RCSD1: variants seen among roughly 807,000 people sequenced by gnomAD.
RCSD1 encodes the protein RCSD domain containing 1.
In RCSD1, 26 loss-of-function variants were observed where a neutral mutation model predicts 42.5. The observed-to-expected ratio is 0.61, with a 90% CI of 0.45 to 0.85. The LOEUF is 0.85. Among genes scored for constraint, RCSD1 ranks in the 40% least tolerant of loss-of-function variants. RCSD1 has a pLI of 0.00. For missense variants in RCSD1, 571 were observed against 528.3 expected (o/e 1.08, Z -0.79); for synonymous variants, 220 against 212.2 (o/e 1.04, Z -0.32).
intron 1 of RCSD1, among the ~76,000 whole-genome samples, chr1:167,677,749 A>T (rs900019343): frequency 1.3e-5 from 2 of 152,188 alleles, no homozygotes; most frequent in African/African-American, 4.8e-5. Flanking sequence ...CAGGAGACTG[A>T]CTTAGAGTTC....
At chr1:167,675,354 T>C (rs1392454291) in intron 1 of RCSD1, among the ~76,000 whole-genome samples, 1 of 151,800 alleles carries the variant, frequency 6.6e-6, no homozygotes, top group Non-Finnish European at 1.5e-5. Flanking sequence ...ACGGCCTACA[T>C]GGCGGCAGGC....
intron 1 of RCSD1, among the ~76,000 whole-genome samples, chr1:167,647,857 G>T (rs1658200388): frequency 6.6e-6 from 1 of 152,040 alleles, no homozygotes; most frequent in South Asian, 2.1e-4. Flanking sequence ...ATACTAATTT[G>T]CTAAAATTAA....
At chr1:167,701,829 C>A (rs1659652968) in intron 6 of RCSD1, among the ~76,000 whole-genome samples, 1 of 152,140 alleles carries the variant, frequency 6.6e-6, no homozygotes, top group Non-Finnish European at 1.5e-5. Context: ...AATCAAAATG[C>A]CTGAGTCACT....
chr1:167,702,295 C>T (rs986705104), intron 6 of RCSD1, among the ~76,000 whole-genome samples: 2 of 152,202 alleles, frequency 1.3e-5, no homozygotes, highest in Non-Finnish European at 1.5e-5. Flanking sequence ...TATAAAGGGT[C>T]ACCTTACTGT....
intron 1 of RCSD1, among the ~76,000 whole-genome samples, chr1:167,661,017 C>T (rs1333386129): frequency 6.6e-6 from 1 of 152,174 alleles, no homozygotes; most frequent in Non-Finnish European, 1.5e-5. Context: ...TAAAGAAGTC[C>T]CTGCTTGATC....
intron 1 of RCSD1, among the ~76,000 whole-genome samples, chr1:167,643,764 G>A (rs186340857): frequency 6.6e-6 from 1 of 152,370 alleles, no homozygotes; most frequent in East Asian, 1.9e-4. Context: ...GTTGTGAGGT[G>A]TAAATGAGTC....
rs552330159 is a variant in RCSD1, at chr1:167,679,811, G to C, written c.7-4089G>C. Among the ~76,000 whole-genome samples, 4 of 152,336 alleles carry C rather than the reference G, an allele frequency of 2.6e-5. No individual in the cohort carries two copies. The South Asian group carries it at 8.3e-4, about 32-fold the overall frequency. On this transcript the variant is annotated intron_variant, in intron 1 of 6. Transcript: ENST00000367854. ...GATGAGCGCAGAAGGTGGAGAGACAGGGCAGAGCCTAGGAAGCAGGTAGAG... is the reference window on the plus strand; with the variant it reads ...GATGAGCGCAGAAGGTGGAGAGACACGGCAGAGCCTAGGAAGCAGGTAGAG...
chr1:167,671,739 C>A (rs939346843), intron 1 of RCSD1, among the ~76,000 whole-genome samples: 1 of 152,208 alleles, frequency 6.6e-6, no homozygotes, highest in African/African-American at 2.4e-5. Context: ...AAAAATAAAT[C>A]TGTGGTTTTG....
chr1:167,651,536 G>A (rs576819282), intron 1 of RCSD1, among the ~76,000 whole-genome samples: 5 of 152,294 alleles, frequency 3.3e-5, no homozygotes, highest in South Asian at 2.1e-4. Context: ...CTTCTGGGTC[G>A]ATAAACTCAT....
chr1:167,656,869 G>A (rs1658436992), intron 1 of RCSD1, among the ~76,000 whole-genome samples: 1 of 152,178 alleles, frequency 6.6e-6, no homozygotes. Context: ...CAAGAGTCAA[G>A]CTGCAGTCTC....
chr1:167,672,927 A>G (rs1041422973), intron 1 of RCSD1, among the ~76,000 whole-genome samples: 1 of 152,112 alleles, frequency 6.6e-6, no homozygotes, highest in Non-Finnish European at 1.5e-5. Flanking sequence ...GGGTGCTTTC[A>G]TTCATTGTGT....
intron 6 of RCSD1, among the ~76,000 whole-genome samples, chr1:167,704,424 C>A (rs1659710978): frequency 6.6e-6 from 1 of 152,184 alleles, no homozygotes; most frequent in Non-Finnish European, 1.5e-5. Flanking sequence ...TCTGTGCCTT[C>A]ATTGCCTCAC....
chr1:167,667,886 G>A (rs1658697673), intron 1 of RCSD1, among the ~76,000 whole-genome samples: 1 of 152,090 alleles, frequency 6.6e-6, no homozygotes, highest in Non-Finnish European at 1.5e-5. Context: ...TCATTTACCG[G>A]CATTTACTGA....
At chr1:167,667,913 AG>A (rs1658698647) in intron 1 of RCSD1, among the ~76,000 whole-genome samples, 1 of 152,144 alleles carries the variant, frequency 6.6e-6, no homozygotes. Flanking sequence ...ACTATGGGCT[AG>A]GGGATGGAGC....
intron 1 of RCSD1, among the ~76,000 whole-genome samples, chr1:167,680,275 C>T (rs1362486811): frequency 1.3e-5 from 2 of 151,780 alleles, no homozygotes; most frequent in Non-Finnish European, 2.9e-5. Context: ...ATGACCAGGA[C>T]CTGGAGGGTA....
At chr1:167,662,372 G>GT (rs1658558766) in intron 1 of RCSD1, among the ~76,000 whole-genome samples, 1 of 152,162 alleles carries the variant, frequency 6.6e-6, no homozygotes, top group African/African-American at 2.4e-5. Context: ...TGTGTATGTG[G>GT]TATATGCAGG....
chr1:167,666,010 C>A (rs1658647468), intron 1 of RCSD1, among the ~76,000 whole-genome samples: 1 of 152,158 alleles, frequency 6.6e-6, no homozygotes, highest in South Asian at 2.1e-4. Context: ...CGGGGTTTGG[C>A]CATGTTTGCC....
At chr1:167,642,806 A>G (rs1272819742) in intron 1 of RCSD1, among the ~76,000 whole-genome samples, 1 of 152,222 alleles carries the variant, frequency 6.6e-6, no homozygotes, top group Non-Finnish European at 1.5e-5. Context: ...ATTCTTTCCC[A>G]TAAGGCTTGT....
At chr1:167,704,120 G>A (rs1393111666) in intron 6 of RCSD1, among the ~76,000 whole-genome samples, 3 of 152,088 alleles carry the variant, frequency 2.0e-5, no homozygotes, top group Non-Finnish European at 2.9e-5. Context: ...TAATACCTTC[G>A]GAATGACTGT....
Sources: allele counts gnomAD v4.1 joint callset (sites outside exome capture counted in the v4.1 genomes callset), GRCh38; gene constraint gnomAD v4.1.1; transcripts MANE v1.5; gene names NCBI Gene and HGNC (gene_info 2026-07-23, HGNC 2026-07-21).